The following KCTD2 variants were observed in gnomAD, a reference collection of about 807,000 sequenced individuals.
KCTD2 encodes the protein potassium channel tetramerization domain containing 2, also known as BTB/POZ domain-containing protein KCTD2.
A neutral mutation model predicts 27.9 loss-of-function variants in KCTD2; 18 were observed. The observed-to-expected ratio is 0.64, with a 90% CI of 0.45 to 0.96. KCTD2 has a LOEUF of 0.96. Among genes scored for constraint, KCTD2 ranks in the 40% least tolerant of loss-of-function variants. The probability of loss-of-function intolerance (pLI) is 0.00; values close to 1 mark genes in which losing one functional copy is unlikely to be tolerated. For synonymous variants in KCTD2, 175 were observed against 148.4 expected, an observed-to-expected ratio of 1.18 and a Z score of -1.30; for missense variants, 280 against 348.0, an observed-to-expected ratio of 0.80 and a Z score of 1.56.
chr17:75,043,205 A>G (rs2144914522), upstream of KCTD2, among the ~76,000 whole-genome samples: 1 of 152,360 alleles, frequency 6.6e-6, no homozygotes, highest in Admixed American at 6.5e-5. Flanking sequence ...TGGGCAACAC[A>G]GCAAGAGTCC....
chr17:75,039,056 T>A, intron 3 of KCTD2: 1 of 1,614,006 alleles, frequency 6.2e-7, no homozygotes, highest in Non-Finnish European at 8.5e-7. Flanking sequence ...GTTCTTCATC[T>A]TCTCCATCTG....
upstream of KCTD2, among the ~76,000 whole-genome samples, chr17:75,045,005 G>A (rs574341865): frequency 2.3e-4 from 35 of 152,184 alleles, no homozygotes; most frequent in Admixed American, 8.5e-4. Context: ...TCAGTGTATC[G>A]GGGAACTTGC....
At chr17:75,042,768 T>A (rs2073173829), upstream of KCTD2, 2 of 1,160,868 alleles carry the variant, frequency 1.7e-6, no homozygotes, top group African/African-American at 3.1e-5. Context: ...CTTTAAATCT[T>A]AGAAACATGC....
intron 3 of KCTD2, chr17:75,040,091 C>T (rs1363419773): frequency 1.9e-6 from 3 of 1,613,644 alleles, no homozygotes; most frequent in Non-Finnish European, 1.7e-6. Context: ...CAACTACTTA[C>T]ATCTTCTTTT....
intron 3 of KCTD2, chr17:75,039,871 C>T (rs1227217669): frequency 1.8e-6 from 1 of 568,832 alleles, no homozygotes; most frequent in African/African-American, 1.9e-5. Context: ...TAGAGTCTTA[C>T]AAAGATGGAA....
At chr17:75,047,216 C>A, upstream of KCTD2, 1 of 647,232 alleles carries the variant, frequency 1.5e-6, no homozygotes, top group Non-Finnish European at 2.1e-6. Context: ...GGCCCGGCTG[C>A]GCGCGGGCAG....
At chr17:75,046,169 G>A (rs1238778229), upstream of KCTD2, among the ~76,000 whole-genome samples, 2 of 152,046 alleles carry the variant, frequency 1.3e-5, no homozygotes, top group East Asian at 3.9e-4. Context: ...TGCAACCTCC[G>A]CCTCCCGGGT....
chr17:75,047,094 C>T, upstream of KCTD2: 1 of 275,914 alleles, frequency 3.6e-6, no homozygotes, highest in Non-Finnish European at 6.8e-6. Context: ...GCGGGCACAG[C>T]GCCTCCCCCG....
chr17:75,060,373 T>G (rs1598128642), intron 4 of KCTD2: 1 of 1,407,456 alleles, frequency 7.1e-7, no homozygotes, highest in East Asian at 2.4e-5. Context: ...ATATTTCTAT[T>G]TCACATTCAA....
upstream of KCTD2, chr17:75,042,402 AT>A: frequency 6.6e-7 from 1 of 1,505,074 alleles, no homozygotes; most frequent in South Asian, 1.3e-5. Context: ...TAAGATCATC[AT>A]GAAAATGCAA....
rs774426167 is a variant in KCTD2 at position 75,059,480 on chromosome 17, C to T, written c.541-30C>T. 27 of 1,540,448 alleles carry T rather than the reference C, an allele frequency of 1.8e-5. No homozygotes were observed. The South Asian group carries it at 2.0e-4, about 11-fold the overall frequency. ...GCTGCAAACTGTGGTGTCCTTGGTG[C>T]TGTTCTCAGTCTGCGCCTGGTCATT... On this transcript the variant is annotated intron_variant, in intron 3 of 5. Coordinates refer to ENST00000322444, the MANE Select transcript of KCTD2 (RefSeq NM_015353.3).
intron 1 of KCTD2, among the ~76,000 whole-genome samples, chr17:75,048,093 T>C (rs7219493): frequency 0.27 from 41,214 of 152,124 alleles, 8,500 homozygotes; most frequent in East Asian, 0.57. Flanking sequence ...ACACTGCTTT[T>C]CTATAGTCCT....
chr17:75,058,813 A>G (rs1462445610), intron 3 of KCTD2, among the ~76,000 whole-genome samples: 1 of 136,750 alleles, frequency 7.3e-6, no homozygotes, highest in Non-Finnish European at 1.6e-5. Context: ...ATAATAATAA[A>G]TAGGCCGGGC....
chr17:75,049,412 A>G, intron 2 of KCTD2, 84 bp downstream of exon 2: 2 of 899,316 alleles, frequency 2.2e-6, no homozygotes, highest in South Asian at 1.5e-5. Context: ...TTTGTTTGAC[A>G]TTTTCATCAG....
At position 75,063,575 on chromosome 17, in the gene KCTD2, A is replaced by G. The variant is rs887571674; in HGVS notation, c.*528A>G. ...AGTTTGTCGAATTGAGGTTTTAGGT[A>G]AAGCATAGAGTTGCCAGAGTACCCC... is the stretch of plus-strand genomic sequence containing the variant. On this transcript the variant is annotated 3_prime_UTR_variant, in exon 6 of 6. Coordinates refer to ENST00000322444, the MANE Select transcript of KCTD2 (RefSeq NM_015353.3). 1.3e-5 allele frequency: 2 copies of G among 158,434 alleles called. No individual in the cohort carries two copies. The highest frequency in any genetic ancestry group is 4.8e-5 in the African/African-American group (2 of 41,616). The allele number at this position is 158,434 out of a possible 1,614,324, so 9.8% of individuals were successfully genotyped here.
At chr17:75,047,887 C>G (rs1189853441) in intron 1 of KCTD2, among the ~76,000 whole-genome samples, 3 of 152,182 alleles carry the variant, frequency 2.0e-5, no homozygotes, top group Non-Finnish European at 4.4e-5. Flanking sequence ...TCTCCATATT[C>G]TCTGCCCCTG....
Position 75,063,055 on chromosome 17 carries a change from C to T in KCTD2, c.*8C>T. ...AGAGGATCGCGGATGTAAACTAAGA[C>T]CCCGAAAACTCCAGACCTTCAGGAG... On this transcript the variant is annotated 3_prime_UTR_variant, in exon 6 of 6. Coordinates refer to ENST00000322444, the MANE Select transcript of KCTD2 (RefSeq NM_015353.3). 3 of 1,611,614 alleles carry T rather than the reference C, an allele frequency of 1.9e-6. No individual in the cohort carries two copies. The highest frequency in any genetic ancestry group is 1.7e-6 in the Non-Finnish European group (2 of 1,179,756).
intron 3 of KCTD2, among the ~76,000 whole-genome samples, chr17:75,058,816 G>A (rs1056494333): frequency 1.3e-5 from 2 of 150,058 alleles, no homozygotes; most frequent in Non-Finnish European, 3.0e-5. Context: ...ATAATAAATA[G>A]GCCGGGCGCG....
chr17:75,053,673 C>T (rs1263491732), intron 3 of KCTD2, among the ~76,000 whole-genome samples: 1 of 151,718 alleles, frequency 6.6e-6, no homozygotes, highest in African/African-American at 2.4e-5. Flanking sequence ...GAACTCCCGA[C>T]CTCAGGTGAT....
Sources: gnomAD v4.1 joint callset for allele counts (sites outside exome capture counted in the v4.1 genomes callset) on GRCh38, gnomAD v4.1.1 for gene constraint, MANE v1.5 for transcripts, NCBI Gene and HGNC (gene_info 2026-07-23, HGNC 2026-07-21) for gene names.